The following SMURF2 variants were observed in gnomAD, a reference collection of about 807,000 sequenced individuals.
SMURF2 encodes E3 ubiquitin-protein ligase SMURF2.
In SMURF2, 48 loss-of-function variants were observed where a neutral mutation model predicts 109.6. The observed-to-expected ratio is 0.44, with a 90% confidence interval of 0.35 to 0.56. The LOEUF (loss-of-function observed/expected upper bound fraction) is 0.56, where lower values mean the gene tolerates loss of function less well. Among genes scored for constraint, SMURF2 ranks in the 20% least tolerant of loss-of-function variants. SMURF2 has a pLI of 0.01. For synonymous variants in SMURF2, 288 were observed against 317.1 expected (o/e 0.91, Z 0.97); for missense variants, 575 against 909.0 (o/e 0.63, Z 4.72).
intron 5 of SMURF2, among the ~76,000 whole-genome samples, chr17:64,586,913 C>G (rs1303718118): frequency 1.3e-5 from 2 of 152,040 alleles, no homozygotes; most frequent in Non-Finnish European, 2.9e-5. Context: ...TGCCTGTAAT[C>G]CCAGCACTTT....
chr17:64,644,262 A>T (rs1331438859), intron 1 of SMURF2, among the ~76,000 whole-genome samples: 1 of 152,054 alleles, frequency 6.6e-6, no homozygotes. Flanking sequence ...TTCAGGCATA[A>T]GCCACCGCGC....
intron 4 of SMURF2, 124 bp from the exon 5 acceptor site, chr17:64,591,273 G>A: frequency 2.9e-6 from 2 of 698,862 alleles, no homozygotes; most frequent in Non-Finnish European, 4.6e-6. Context: ...AAAGAGTTCA[G>A]ATTTCAAAAA....
chr17:64,614,972 A>G (rs188431850), intron 1 of SMURF2, among the ~76,000 whole-genome samples: 1 of 152,380 alleles, frequency 6.6e-6, no homozygotes, highest in Non-Finnish European at 1.5e-5. Context: ...TTGCAGAAGT[A>G]CAGATGGCAG....
intron 1 of SMURF2, among the ~76,000 whole-genome samples, chr17:64,620,188 T>A (rs1245164554): frequency 1.3e-5 from 2 of 152,186 alleles, no homozygotes; most frequent in African/African-American, 4.8e-5. Context: ...ATCACATACC[T>A]CTGCTTATCT....
At chr17:64,597,284 G>A (rs1328869314) in intron 3 of SMURF2, among the ~76,000 whole-genome samples, 1 of 152,112 alleles carries the variant, frequency 6.6e-6, no homozygotes, top group Admixed American at 6.5e-5. Context: ...ATGGTGGCAT[G>A]CACCTGTAGT....
At chr17:64,591,701 G>A (rs1239781498) in intron 4 of SMURF2, among the ~76,000 whole-genome samples, 1 of 152,186 alleles carries the variant, frequency 6.6e-6, no homozygotes, top group Non-Finnish European at 1.5e-5. Flanking sequence ...ACCTGGCCCT[G>A]AAAGTTACAG....
chr17:64,582,902 A>AT (rs564897453), intron 7 of SMURF2, among the ~76,000 whole-genome samples: 7,999 of 141,850 alleles, frequency 0.056, 346 homozygotes, highest in African/African-American at 0.13. Context: ...CTTGGCCAAT[A>AT]TTTTTTTTTT....
intron 1 of SMURF2, among the ~76,000 whole-genome samples, chr17:64,621,141 T>C (rs1970195480): frequency 2.0e-5 from 3 of 152,240 alleles, no homozygotes; most frequent in Non-Finnish European, 2.9e-5. Flanking sequence ...TCTTCTGCAT[T>C]CTTCCAGACT....
chr17:64,603,117 GA>G (rs782256209), intron 2 of SMURF2, among the ~76,000 whole-genome samples: 60 of 140,128 alleles, frequency 4.3e-4, no homozygotes, highest in East Asian at 8.1e-4. Flanking sequence ...ATTGGGCCAA[GA>G]AAAAAAAAAA....
intron 1 of SMURF2, among the ~76,000 whole-genome samples, chr17:64,612,244 C>T (rs577730172): frequency 7.9e-5 from 12 of 152,202 alleles, no homozygotes; most frequent in Admixed American, 2.6e-4. Context: ...GCACACATTA[C>T]GCCTGGCACT....
intron 1 of SMURF2, among the ~76,000 whole-genome samples, chr17:64,612,200 C>T (rs1386551211): frequency 6.6e-6 from 1 of 152,070 alleles, no homozygotes; most frequent in Non-Finnish European, 1.5e-5. Context: ...CCATACAGCA[C>T]GAATCATGCC....
rs544240512 is a variant in SMURF2 at position 64,583,061 on chromosome 17, C to T, written c.569+400G>A. ...CCACAAGCATAAGTCACATGCCCAG[C>T]TAATTTTTTTGGTAGAGACAGGGTT... On this transcript the variant is annotated intron_variant, in intron 7 of 18. Transcript: ENST00000262435. Among the ~76,000 whole-genome samples, 4 of 152,078 alleles carry T rather than the reference C, an allele frequency of 2.6e-5. No individual in the cohort carries two copies. In the East Asian group the frequency reaches 5.8e-4, roughly 22 times the overall value.
intron 1 of SMURF2, among the ~76,000 whole-genome samples, chr17:64,654,205 T>C (rs1175227336): frequency 6.6e-6 from 1 of 152,164 alleles, no homozygotes; most frequent in African/African-American, 2.4e-5. Context: ...ATCATCGAGG[T>C]TTATTTAAAA....
At chr17:64,660,828 A>C (rs1375904874) in intron 1 of SMURF2, 2 of 152,206 alleles carry the variant, frequency 1.3e-5, no homozygotes, top group Non-Finnish European at 2.9e-5. Flanking sequence ...TTACAAACCA[A>C]ATAAAAGTTC....
chr17:64,554,417 T>TG (rs1969089958), intron 15 of SMURF2, among the ~76,000 whole-genome samples: 1 of 152,036 alleles, frequency 6.6e-6, no homozygotes. Context: ...AGAGTGGCTA[T>TG]GGGGGGAGGG....
At chr17:64,637,196 G>C (rs1477860383) in intron 1 of SMURF2, among the ~76,000 whole-genome samples, 1 of 150,752 alleles carries the variant, frequency 6.6e-6, no homozygotes, top group Admixed American at 6.6e-5. Context: ...GCACGGTCTC[G>C]GCTCACTACA....
intron 1 of SMURF2, among the ~76,000 whole-genome samples, chr17:64,612,202 A>G (rs1295771266): frequency 6.6e-6 from 1 of 152,140 alleles, no homozygotes; most frequent in Non-Finnish European, 1.5e-5. Flanking sequence ...ATACAGCACG[A>G]ATCATGCCTG....
chr17:64,567,343 T>G (rs9914202), intron 10 of SMURF2, among the ~76,000 whole-genome samples: 7,807 of 152,294 alleles, frequency 0.051, 341 homozygotes, highest in African/African-American at 0.12. Context: ...CTAACAATTA[T>G]AAGAAAACTA....
intron 8 of SMURF2, among the ~76,000 whole-genome samples, chr17:64,579,411 T>A (rs557934335): frequency 1.3e-5 from 2 of 152,256 alleles, no homozygotes; most frequent in East Asian, 3.9e-4. Flanking sequence ...AAACGTATAA[T>A]GTCAATAAAT....
Sources: allele counts gnomAD v4.1 joint callset (sites outside exome capture counted in the v4.1 genomes callset), GRCh38; gene constraint gnomAD v4.1.1; transcripts MANE v1.5; gene names NCBI Gene and HGNC (gene_info 2026-07-23, HGNC 2026-07-21).